Variants in PDE1C observed in about 807,000 individuals in gnomAD.
PDE1C encodes phosphodiesterase 1C.
PDE1C carries 62 observed loss-of-function variants against 93.1 expected under a neutral mutation model. That is an observed-to-expected ratio of 0.67 (90% CI 0.54 to 0.82). The LOEUF is 0.82. Ranked by LOEUF, PDE1C falls within the 40% of genes least tolerant of loss-of-function variation. The pLI is 0.00. For synonymous variants in PDE1C, 325 were observed against 310.1 expected (o/e 1.05, Z -0.50); for missense variants, 742 against 884.6 (o/e 0.84, Z 2.04).
At chr7:31,672,873 G>T in the PDE1C span, among the ~76,000 whole-genome samples, 256 of 152,292 alleles carry the variant, frequency 1.7e-3, no homozygotes, top group African/African-American at 6.0e-3. Flanking sequence ...GAAGCAACTG[G>T]ATCATAGGGG....
intron 2 of PDE1C, among the ~76,000 whole-genome samples, chr7:31,999,815 G>A (rs1785232998): frequency 6.6e-6 from 1 of 152,186 alleles, no homozygotes. Context: ...AGTCATGAGA[G>A]AGATTAATCA....
intron 14 of PDE1C, among the ~76,000 whole-genome samples, chr7:31,821,395 A>T (rs1332280184): frequency 6.6e-6 from 1 of 152,170 alleles, no homozygotes; most frequent in Non-Finnish European, 1.5e-5. Flanking sequence ...AGGTAATTTT[A>T]GTAAGCCAGA....
At chr7:31,787,104 C>T (rs1784086674) in intron 16 of PDE1C, 1 of 152,124 alleles carries the variant, frequency 6.6e-6, no homozygotes, top group African/African-American at 2.4e-5. Context: ...TCTCACATCC[C>T]ATGATAATGT....
chr7:31,627,444 G>A, the PDE1C span, among the ~76,000 whole-genome samples: 7 of 152,076 alleles, frequency 4.6e-5, 1 homozygote, highest in South Asian at 1.0e-3. Flanking sequence ...GATCACTGAC[G>A]CCCAGGAGTT....
the PDE1C span, among the ~76,000 whole-genome samples, chr7:31,673,602 T>C: frequency 7.2e-5 from 11 of 152,202 alleles, 1 homozygote; most frequent in African/African-American, 2.7e-4. Context: ...CATTCAAAGA[T>C]TTAAAATATT....
intron 9 of PDE1C, among the ~76,000 whole-genome samples, chr7:31,841,200 C>CCTCTCTCTCTCT (rs1343758326): frequency 2.5e-5 from 1 of 40,198 alleles, no homozygotes; most frequent in East Asian, 6.1e-4. Flanking sequence ...TGTCTCTCTC[C>CCTCTCTCTCTCT]CTCTCTCTGT....
chr7:32,140,606 C>T (rs1440616757), intron 3 of PDE1C, among the ~76,000 whole-genome samples: 3 of 152,248 alleles, frequency 2.0e-5, no homozygotes, highest in Non-Finnish European at 1.5e-5. Context: ...GAAGCGGAAA[C>T]TCTACCTCCC....
At chr7:31,628,683 C>G in the PDE1C span, among the ~76,000 whole-genome samples, 1 of 152,040 alleles carries the variant, frequency 6.6e-6, no homozygotes, top group Non-Finnish European at 1.5e-5. Flanking sequence ...GTCTCAATCT[C>G]CTGACCTTGT....
chr7:32,083,811 G>T (rs369994723), intron 3 of PDE1C, among the ~76,000 whole-genome samples: 9 of 151,624 alleles, frequency 5.9e-5, no homozygotes, highest in East Asian at 1.9e-4. Flanking sequence ...TGAGAGATTT[G>T]GTCACCACCA....
At chr7:32,160,455 T>G (rs899502357) in intron 3 of PDE1C, among the ~76,000 whole-genome samples, 1 of 152,182 alleles carries the variant, frequency 6.6e-6, no homozygotes, top group Non-Finnish European at 1.5e-5. Context: ...ATCTATAAAG[T>G]ACATTTTCTG....
At chr7:31,869,782 AG>A (rs1001655927) in intron 6 of PDE1C, among the ~76,000 whole-genome samples, 61 of 152,142 alleles carry the variant, frequency 4.0e-4, no homozygotes, top group African/African-American at 1.4e-3. Flanking sequence ...AGACACTTAC[AG>A]AACATTTTAT....
intron 2 of PDE1C, among the ~76,000 whole-genome samples, chr7:32,189,740 T>C (rs531525639): frequency 3.7e-4 from 57 of 152,326 alleles, no homozygotes; most frequent in Non-Finnish European, 6.9e-4. Context: ...TTTAGGGTTT[T>C]TATCAAGAGT....
intron 1 of PDE1C, among the ~76,000 whole-genome samples, chr7:32,423,905 C>T (rs1785481515): frequency 1.3e-5 from 2 of 151,778 alleles, no homozygotes; most frequent in Admixed American, 6.6e-5. Context: ...CCAAAAAAAA[C>T]ACTTTAATCA....
chr7:31,849,390 A>C (rs1793045545), intron 8 of PDE1C, among the ~76,000 whole-genome samples: 1 of 152,184 alleles, frequency 6.6e-6, no homozygotes, highest in African/African-American at 2.4e-5. Flanking sequence ...CCTGTATTAA[A>C]GGGAATTCTG....
chr7:31,655,787 G>A, the PDE1C span: 8 of 985,452 alleles, frequency 8.1e-6, no homozygotes, highest in Non-Finnish European at 9.6e-6. Context: ...ACCCAGGTTG[G>A]GCTTTTGACC....
intron 1 of PDE1C, among the ~76,000 whole-genome samples, chr7:32,389,696 T>G (rs758450671): frequency 6.6e-6 from 1 of 152,238 alleles, no homozygotes; most frequent in Non-Finnish European, 1.5e-5. Context: ...GTAAGTAACC[T>G]ACAGGCAGAA....
chr7:31,995,932 C>G (rs935040839), intron 2 of PDE1C, among the ~76,000 whole-genome samples: 1 of 152,090 alleles, frequency 6.6e-6, no homozygotes, highest in Non-Finnish European at 1.5e-5. Context: ...TAGAACGACC[C>G]TTGGCAATGG....
intron 1 of PDE1C, among the ~76,000 whole-genome samples, chr7:32,426,736 G>A (rs555233366): frequency 6.6e-6 from 1 of 152,260 alleles, no homozygotes; most frequent in South Asian, 2.1e-4. Context: ...ATCTCCCCTT[G>A]AAAGGACAGA....
intron 16 of PDE1C, among the ~76,000 whole-genome samples, chr7:31,790,548 T>C (rs1044586651): frequency 3.3e-5 from 5 of 152,142 alleles, no homozygotes; most frequent in Non-Finnish European, 7.4e-5. Flanking sequence ...TAAGCCACCT[T>C]CTTTTGCAAT....
Sources: gnomAD v4.1 joint callset for allele counts (sites outside exome capture counted in the v4.1 genomes callset) on GRCh38, gnomAD v4.1.1 for gene constraint, MANE v1.5 for transcripts, NCBI Gene and HGNC (gene_info 2026-07-23, HGNC 2026-07-21) for gene names.